The following DSCAM variants were observed in gnomAD, a reference collection of about 807,000 sequenced individuals.
DSCAM encodes the protein cell adhesion molecule DSCAM.
DSCAM carries 47 observed loss-of-function variants against 217.7 expected under a neutral mutation model. That is an observed-to-expected ratio of 0.22 (90% CI 0.17 to 0.28). The LOEUF (loss-of-function observed/expected upper bound fraction) is 0.28. Ranked by LOEUF, DSCAM falls within the 10% of genes least tolerant of loss-of-function variation. The pLI is 1.00. For synonymous variants in DSCAM, 1,056 were observed against 1,015.3 expected (o/e 1.04, Z -0.76); for missense variants, 2,080 against 2,618.3 (o/e 0.79, Z 4.49).
intron 3 of DSCAM, among the ~76,000 whole-genome samples, chr21:40,549,180 C>G (rs868151525): frequency 1.3e-5 from 2 of 151,936 alleles, no homozygotes; most frequent in Admixed American, 6.6e-5. Context: ...ACAGTGTGAC[C>G]CTGTCTCAAA....
At chr21:40,661,596 A>G (rs2090140075) in intron 3 of DSCAM, among the ~76,000 whole-genome samples, 1 of 152,246 alleles carries the variant, frequency 6.6e-6, no homozygotes, top group Non-Finnish European at 1.5e-5. Context: ...GGGATTAGAA[A>G]ACAAACAGAA....
chr21:40,733,577 C>T (rs2091034132), intron 1 of DSCAM, among the ~76,000 whole-genome samples: 1 of 152,196 alleles, frequency 6.6e-6, no homozygotes, highest in Non-Finnish European at 1.5e-5. Flanking sequence ...CAATAGGCCG[C>T]TGCTGAGAAA....
intron 3 of DSCAM, among the ~76,000 whole-genome samples, chr21:40,552,162 A>G (rs1568899167): frequency 6.6e-6 from 1 of 152,068 alleles, no homozygotes; most frequent in Non-Finnish European, 1.5e-5. Flanking sequence ...AAAAATACAA[A>G]AATTAGCCAG....
intron 1 of DSCAM, among the ~76,000 whole-genome samples, chr21:40,737,289 C>T (rs180763782): frequency 7.9e-5 from 12 of 152,264 alleles, no homozygotes; most frequent in African/African-American, 2.9e-4. Flanking sequence ...AGACACACAG[C>T]TTTATAAGGA....
intron 3 of DSCAM, among the ~76,000 whole-genome samples, chr21:40,517,001 C>CAT: frequency 7.0e-6 from 1 of 143,634 alleles, no homozygotes. Context: ...ATATATACAC[C>CAT]ATATATATAC....
intron 6 of DSCAM, among the ~76,000 whole-genome samples, chr21:40,341,057 G>A (rs557978316): frequency 2.4e-4 from 36 of 152,132 alleles, no homozygotes; most frequent in South Asian, 2.1e-4. Context: ...GAAGTCCCTG[G>A]AGTTTGTTTC....
At chr21:40,532,177 G>A (rs1221090805) in intron 3 of DSCAM, among the ~76,000 whole-genome samples, 1 of 151,786 alleles carries the variant, frequency 6.6e-6, no homozygotes. Context: ...TATAAAAGAG[G>A]GTGCTTAAAA....
intron 1 of DSCAM, among the ~76,000 whole-genome samples, chr21:40,730,845 C>T (rs1451902680): frequency 6.6e-6 from 1 of 152,144 alleles, no homozygotes; most frequent in African/African-American, 2.4e-5. Context: ...TCAATGATTA[C>T]TAAAGCCCAA....
chr21:40,620,369 A>G lies in DSCAM; in HGVS notation c.508+72441T>C, dbSNP rs1008745704. On this transcript the variant is annotated intron_variant, in intron 3 of 32. Transcript: ENST00000400454. ...AGAGAAAGAGAGAGAAAAAAGAAAA[A>G]GAAAGAAAGAAAGAAAGAGAAAGAA... Among the ~76,000 whole-genome samples, 5 of 123,692 alleles carry G rather than the reference A, an allele frequency of 4.0e-5. No homozygotes were observed. The East Asian group carries it at 1.1e-3, about 26-fold the overall frequency. The allele number at this position is 123,692 out of a possible 152,430, so 81.1% of individuals were successfully genotyped here.
chr21:40,778,837 C>T (rs1003104346), intron 1 of DSCAM, among the ~76,000 whole-genome samples: 3 of 151,576 alleles, frequency 2.0e-5, no homozygotes, highest in Non-Finnish European at 2.9e-5. Flanking sequence ...CCAACCTGAC[C>T]AAAATGGAGA....
At chr21:40,595,804 T>C (rs2077017315) in intron 3 of DSCAM, among the ~76,000 whole-genome samples, 1 of 152,230 alleles carries the variant, frequency 6.6e-6, no homozygotes, top group Non-Finnish European at 1.5e-5. Context: ...AAGCAAGTTG[T>C]AGCATTACTA....
At chr21:40,307,463 GA>G (rs1421803092) in intron 9 of DSCAM, among the ~76,000 whole-genome samples, 2 of 152,144 alleles carry the variant, frequency 1.3e-5, no homozygotes, top group African/African-American at 4.8e-5. Flanking sequence ...GGAGAAATAG[GA>G]ACACTTTTAC....
At chr21:40,407,056 A>G (rs934679587) in intron 3 of DSCAM, among the ~76,000 whole-genome samples, 7 of 152,344 alleles carry the variant, frequency 4.6e-5, no homozygotes, top group South Asian at 2.1e-4. Context: ...GAATAAATTC[A>G]AGAAATATAT....
chr21:40,578,593 G>A (rs543990933), intron 3 of DSCAM, among the ~76,000 whole-genome samples: 3 of 152,326 alleles, frequency 2.0e-5, no homozygotes, highest in African/African-American at 7.2e-5. Flanking sequence ...GCAGCACCCA[G>A]CGTGGGACCC....
intron 11 of DSCAM, among the ~76,000 whole-genome samples, chr21:40,256,387 GGAGAGAGAGAGACAGACAGAGAGA>G (rs1200113973): frequency 6.7e-6 from 1 of 148,930 alleles, no homozygotes; most frequent in African/African-American, 2.6e-5. Context: ...AGAACCAATA[GGAGAGAGAGAGACAGACAGAGAGA>G]GAGAGAGAGA....
intron 3 of DSCAM, among the ~76,000 whole-genome samples, chr21:40,522,571 T>C (rs1267764166): frequency 6.6e-6 from 1 of 152,210 alleles, no homozygotes; most frequent in African/African-American, 2.4e-5. Context: ...AGTGGAGAGT[T>C]CTACTCTGTG....
intron 11 of DSCAM, among the ~76,000 whole-genome samples, chr21:40,201,581 A>C (rs540482877): frequency 6.6e-6 from 1 of 152,160 alleles, no homozygotes; most frequent in South Asian, 2.1e-4. Context: ...AGCTGGGATT[A>C]CAGGCATGCT....
intron 4 of DSCAM, among the ~76,000 whole-genome samples, chr21:40,366,334 T>C (rs1601590554): frequency 6.6e-6 from 1 of 152,124 alleles, no homozygotes; most frequent in Non-Finnish European, 1.5e-5. Context: ...ACTCTATTTG[T>C]CTTATTCCTT....
At chr21:40,148,061 G>A (rs754299849) in intron 16 of DSCAM, among the ~76,000 whole-genome samples, 2 of 152,164 alleles carry the variant, frequency 1.3e-5, no homozygotes, top group East Asian at 1.9e-4. Flanking sequence ...CAATATCATA[G>A]GGTAAGTTAA....
Sources: allele counts gnomAD v4.1 joint callset (sites outside exome capture counted in the v4.1 genomes callset), GRCh38; gene constraint gnomAD v4.1.1; transcripts MANE v1.5; gene names NCBI Gene and HGNC (gene_info 2026-07-23, HGNC 2026-07-21).